Variants in ALDH1L2 observed in about 807,000 individuals in gnomAD.
The protein encoded by ALDH1L2 is mitochondrial 10-formyltetrahydrofolate dehydrogenase.
ALDH1L2 carries 91 observed loss-of-function variants against 111.0 expected under a neutral mutation model. The observed-to-expected ratio is 0.82, with a 90% CI of 0.69 to 0.98. The LOEUF (loss-of-function observed/expected upper bound fraction) is 0.98, where lower values mean the gene tolerates loss of function less well. Ranked by LOEUF, ALDH1L2 falls within the 50% of genes least tolerant of loss-of-function variation. ALDH1L2 has a pLI of 0.00. For synonymous variants in ALDH1L2, 374 were observed against 392.6 expected (o/e 0.95, Z 0.56); for missense variants, 995 against 1,126.8 (o/e 0.88, Z 1.67).
intron 18 of ALDH1L2, among the ~76,000 whole-genome samples, chr12:105,036,514 TTATA>T (rs1182802302): frequency 0.01 from 240 of 23,556 alleles, 3 homozygotes; most frequent in Admixed American, 0.016. Context: ...TATATATATT[TTATA>T]TATATATATA....
Position 105,021,584 on chromosome 12 carries a change from C to CAAA in ALDH1L2, c.*2837_*2839dup, listed in dbSNP as rs36037315. The CAAA allele has an allele frequency of 7.2e-4, 99 of 137,516 alleles. 1 individual carries two copies. The East Asian group carries it at 0.011, about 15-fold the overall frequency. 8.5% of individuals were successfully genotyped at this position (137,516 alleles called of 1,614,324 possible). On this transcript the variant is annotated 3_prime_UTR_variant, in exon 23 of 23. Transcript: ENST00000258494. ...GGGCAACAAGAGCAAAACTCTGTCT[C>CAAA]AAAAAAAAAAAAAAGTAATAATGGC...
chr12:105,028,809 A>G (rs1874547909), intron 21 of ALDH1L2, among the ~76,000 whole-genome samples: 1 of 152,174 alleles, frequency 6.6e-6, no homozygotes, highest in Non-Finnish European at 1.5e-5. Context: ...GCAACAGCAA[A>G]TACTTGACTT....
Position 105,074,457 on chromosome 12 carries a change from CCAAAAAAAAAAAA to C in ALDH1L2, c.49-465_49-453del, listed in dbSNP as rs1315442447. On this transcript the variant is annotated intron_variant, in intron 1 of 22. Coordinates refer to ENST00000258494, the MANE Select transcript of ALDH1L2 (RefSeq NM_001034173.4). Reference sequence around the variant, plus strand: ...TGAGTGACAGAGCAAGACTCTGTCTCCAAAAAAAAAAAAAAAAAAAAAAAAAGAAAAGAAAAAG... The same window carrying C: ...TGAGTGACAGAGCAAGACTCTGTCTCAAAAAAAAAAAAAGAAAAGAAAAAG... 5.1e-4 allele frequency among the ~76,000 whole-genome samples: 48 copies of C among 93,704 alleles called. 3 individuals are homozygous for C. Among genetic ancestry groups the C allele is most frequent in the African/African-American group, 3.1e-3 (47 of 14,968 alleles). The allele number at this position is 93,704 out of a possible 152,430, so 61.5% of individuals were successfully genotyped here. A position where few individuals can be genotyped will look rare whatever the true frequency, so the allele number is the denominator to read the frequency against.
At chr12:105,033,915 C>T (rs1874835792) in intron 19 of ALDH1L2, among the ~76,000 whole-genome samples, 1 of 152,072 alleles carries the variant, frequency 6.6e-6, no homozygotes, top group Non-Finnish European at 1.5e-5. Context: ...CATAGCTCTT[C>T]AATATACTTT....
intron 6 of ALDH1L2, among the ~76,000 whole-genome samples, chr12:105,064,997 G>C (rs1260734508): frequency 1.3e-5 from 2 of 152,162 alleles, no homozygotes; most frequent in East Asian, 3.8e-4. Context: ...CTGAGTCTCA[G>C]CCTCCATGAT....
chr12:105,030,326 A>G lies in ALDH1L2; in HGVS notation c.2514T>C (p.Asn838=). 6.2e-7 allele frequency: 1 copy of G among 1,608,246 alleles called. No individual in the cohort carries two copies. Among genetic ancestry groups the G allele is most frequent in the Non-Finnish European group, 8.5e-7 (1 of 1,177,626 alleles). The change falls in exon 21 of 23, where the codon AAT becomes AAC. Residue 838 remains asparagine, a splice_region_variant and synonymous_variant. Coordinates refer to ENST00000258494, the MANE Select transcript of ALDH1L2 (RefSeq NM_001034173.4). ...GPIMVISKFQ[N]GDIDGVLQRA... ...TACATTGTGTCTGAAGAACCTACCC[A>G]TTTTGGAATTTAGAAATGACCATAA...
Position 105,074,457 on chromosome 12 carries a change from C to CA in ALDH1L2, c.49-453_49-452insT, listed in dbSNP as rs1565974203. Among the ~76,000 whole-genome samples, 487 of 93,142 alleles carry CA rather than the reference C, an allele frequency of 5.2e-3. 10 individuals carry two copies. Among genetic ancestry groups the CA allele is most frequent in the East Asian group, 0.021 (63 of 3,020 alleles). 61.1% of individuals were successfully genotyped at this position (93,142 alleles called of 152,430 possible). On this transcript the variant is annotated intron_variant, in intron 1 of 22. Transcript: ENST00000258494. ...TGAGTGACAGAGCAAGACTCTGTCT[C>CA]CAAAAAAAAAAAAAAAAAAAAAAAA...
intron 12 of ALDH1L2, among the ~76,000 whole-genome samples, chr12:105,051,030 T>A (rs1876228765): frequency 6.6e-6 from 1 of 152,262 alleles, no homozygotes; most frequent in Non-Finnish European, 1.5e-5. Flanking sequence ...TATGATTGAA[T>A]CTAATCACTC....
chr12:105,030,866 T>G (rs1874660247), intron 20 of ALDH1L2, among the ~76,000 whole-genome samples: 1 of 152,246 alleles, frequency 6.6e-6, no homozygotes, highest in South Asian at 2.1e-4. Context: ...TTTAATTTCC[T>G]TAATGTCTAG....
In ALDH1L2 at chr12:105,061,096, G is replaced by A. The variant is rs752105972; in HGVS notation, c.1048-24C>T. 14 of 1,592,526 alleles carry A rather than the reference G, an allele frequency of 8.8e-6. 1 individual carries two copies. Among genetic ancestry groups the A allele is most frequent in the African/African-American group, 1.3e-5 (1 of 74,510 alleles). On this transcript the variant is annotated intron_variant, in intron 8 of 22. Coordinates refer to ENST00000258494, the MANE Select transcript of ALDH1L2 (RefSeq NM_001034173.4). Reference sequence around the variant, plus strand: ...ACCTACACAAAAAGGAAACTCTTATGAGGGAAGTGCCACGTAGAACAATGT... The same window carrying A: ...ACCTACACAAAAAGGAAACTCTTATAAGGGAAGTGCCACGTAGAACAATGT...
At position 105,022,996 on chromosome 12, in the gene ALDH1L2, C is replaced by T. The variant is rs1035121319; in HGVS notation, c.*1428G>A. The T allele has an allele frequency of 6.6e-6, 1 of 152,112 alleles. No individual in the cohort carries two copies. The highest frequency in any genetic ancestry group is 6.5e-5 in the Admixed American group (1 of 15,274). The allele number at this position is 152,112 out of a possible 1,614,324, so 9.4% of individuals were successfully genotyped here. On this transcript the variant is annotated 3_prime_UTR_variant, in exon 23 of 23. Coordinates refer to ENST00000258494, the MANE Select transcript of ALDH1L2 (RefSeq NM_001034173.4). The stretch of plus-strand genomic sequence containing the variant: ...AGACTCATGTGATTCAGAAATTTGC[C>T]GCCTTCTAGTCACACATAGATGGTG...
At position 105,080,433 on chromosome 12, in the gene ALDH1L2, C is replaced by A. The variant is rs182734413; in HGVS notation, c.48+3956G>T. Among the ~76,000 whole-genome samples, 161 of 152,126 alleles carry A rather than the reference C, an allele frequency of 1.1e-3. 1 individual carries two copies. The highest frequency in any genetic ancestry group is 3.5e-3 in the African/African-American group (147 of 41,512). ...AGTTAGTGTATTATGTATTATTATT[C>A]TTTTCCTAAAAACATAGATTTAATA... On this transcript the variant is annotated intron_variant, in intron 1 of 22. Transcript: ENST00000258494.
chr12:105,023,195 C>T lies in ALDH1L2; in HGVS notation c.*1229G>A, dbSNP rs574355291. 6.6e-5 allele frequency: 10 copies of T among 152,320 alleles called. No homozygotes were observed. The highest frequency in any genetic ancestry group is 2.2e-4 in the African/African-American group (9 of 41,570). The allele number at this position is 152,320 out of a possible 1,614,324, so 9.4% of individuals were successfully genotyped here. A position where few individuals can be genotyped will look rare whatever the true frequency, so the allele number is the denominator to read the frequency against. ...ATTTGATTTTCATTTTATAGATACT[C>T]AACCTAGGCTCTGAGATATTAGATT... On this transcript the variant is annotated 3_prime_UTR_variant, in exon 23 of 23. Coordinates refer to ENST00000258494, the MANE Select transcript of ALDH1L2 (RefSeq NM_001034173.4).
In ALDH1L2 at chr12:105,035,835, A is replaced by G. The variant is rs74463933; in HGVS notation, c.2146-1437T>C. ...CTATATATAGTGTGTCTATATATAT[A>G]TATATGTGTGTGTGTGTGTGTGTGT... is the stretch of plus-strand genomic sequence containing the variant. On this transcript the variant is annotated intron_variant, in intron 18 of 22. Coordinates refer to ENST00000258494, the MANE Select transcript of ALDH1L2 (RefSeq NM_001034173.4). Among the ~76,000 whole-genome samples the G allele has an allele frequency of 1.1e-3, 108 of 99,044 alleles. 21 individuals are homozygous for G. In the East Asian group the frequency reaches 0.024, roughly 22 times the overall value. 65.0% of individuals were successfully genotyped at this position (99,044 alleles called of 152,430 possible).
chr12:105,060,508 C>T (rs1222819773), intron 9 of ALDH1L2: 1 of 152,426 alleles, frequency 6.6e-6, no homozygotes, highest in Non-Finnish European at 1.5e-5. Flanking sequence ...ACCATGGAAA[C>T]AATAGCAAAA....
In ALDH1L2 at chr12:105,062,940, G is replaced by T; in HGVS notation, c.869C>A (p.Pro290His). The T allele has an allele frequency of 6.2e-7, 1 of 1,614,056 alleles. No homozygotes were observed. The highest frequency in any genetic ancestry group is 1.3e-5 in the African/African-American group (1 of 75,006). ...AAGTCCATTTTTGGTAACGAGACCA[G>T]GCTTCTTGGCACCTTTAATTTCCAG... is the stretch of plus-strand genomic sequence containing the variant. ...EPLEIKGAKK[P>H]GLVTKNGLVL... The change falls in exon 7 of 23, where the codon CCT becomes CAT. Residue 290 changes from proline to histidine, a missense_variant. By Grantham distance (77) the Pro-to-His change is moderately conservative. Coordinates refer to ENST00000258494, the MANE Select transcript of ALDH1L2 (RefSeq NM_001034173.4).
At position 105,023,655 on chromosome 12, in the gene ALDH1L2, G is replaced by C. The variant is rs1396745080; in HGVS notation, c.*769C>G. 6.6e-6 allele frequency: 1 copy of C among 152,160 alleles called. No homozygotes were observed. Among genetic ancestry groups the C allele is most frequent in the South Asian group, 2.1e-4 (1 of 4,826 alleles). 9.4% of individuals were successfully genotyped at this position (152,160 alleles called of 1,614,324 possible). On this transcript the variant is annotated 3_prime_UTR_variant, in exon 23 of 23. Coordinates refer to ENST00000258494, the MANE Select transcript of ALDH1L2 (RefSeq NM_001034173.4). ...CTGTTTTACACATAGGGAAGCAGAG[G>C]CTCAGAGGAGTTGCGAGAGTTTCCC...
chr12:105,073,810 A>G, intron 2 of ALDH1L2, 51 bp downstream of exon 2: 1 of 1,608,850 alleles, frequency 6.2e-7, no homozygotes, highest in African/African-American at 1.3e-5. Flanking sequence ...GAAGTCCAGC[A>G]TTGGTAAGGA....
chr12:105,056,668 A>G (rs1876650223), intron 10 of ALDH1L2, among the ~76,000 whole-genome samples: 1 of 151,948 alleles, frequency 6.6e-6, no homozygotes, highest in Non-Finnish European at 1.5e-5. Context: ...TGTTACAGCA[A>G]AGCTTTCCTA....
Sources: gnomAD v4.1 joint callset for allele counts (sites outside exome capture counted in the v4.1 genomes callset) on GRCh38, gnomAD v4.1.1 for gene constraint, MANE v1.5 for transcripts, NCBI Gene and HGNC (gene_info 2026-07-23, HGNC 2026-07-21) for gene names.